The following SH3D21 variants were observed in gnomAD, a reference collection of about 807,000 sequenced individuals.
The protein encoded by SH3D21 is manchette microtubule inner protein 1, also known as SH3 domain-containing protein 21.
In SH3D21, 83 loss-of-function variants were observed where a neutral mutation model predicts 82.1. The ratio of observed to expected loss-of-function variants is 1.01; its 90% CI spans 0.85 to 1.21. The LOEUF (loss-of-function observed/expected upper bound fraction) is 1.21, where lower values mean the gene tolerates loss of function less well. Ranked by LOEUF, SH3D21 falls within the 50% of genes most tolerant of loss-of-function variation. The probability of loss-of-function intolerance (pLI) is 0.00; values close to 1 mark genes in which losing one functional copy is unlikely to be tolerated. For missense variants in SH3D21, 980 were observed against 962.1 expected, an observed-to-expected ratio of 1.02 and a Z score of -0.25; for synonymous variants, 383 against 387.8, an observed-to-expected ratio of 0.99 and a Z score of 0.15.
At chr1:36,312,214 C>T (rs963658975) in intron 10 of SH3D21, among the ~76,000 whole-genome samples, 11 of 151,266 alleles carry the variant, frequency 7.3e-5, no homozygotes, top group African/African-American at 2.7e-4. Flanking sequence ...TTAGTAGAGA[C>T]GGGTTTCACC....
Position 36,307,926 on chromosome 1 carries a change from C to T in SH3D21, c.501C>T (p.Ser167=). 1 of 1,551,728 alleles carries T rather than the reference C, an allele frequency of 6.4e-7. No individual in the cohort carries two copies. Among genetic ancestry groups the T allele is most frequent in the Non-Finnish European group, 8.7e-7 (1 of 1,146,998 alleles). The change falls in exon 7 of 16, where the codon AGC becomes AGT. Residue 167 remains serine (S), a synonymous_variant. Coordinates refer to ENST00000453908, the MANE Select transcript of SH3D21 (RefSeq NM_001162530.2). This position sits in a 1 kb window ranked among gnomAD's most constrained non-coding sequence, Gnocchi z 5.4. ...GCCCCTTCCCCCACTAGCTGAGCAG[C>T]CTGGCCTATGACAGCCCTCCAGACT... ...PGPQRPPKLS[S]LAYDSPPDYL...
intron 10 of SH3D21, among the ~76,000 whole-genome samples, chr1:36,315,330 T>C (rs1441350341): frequency 6.6e-6 from 1 of 151,958 alleles, no homozygotes; most frequent in Non-Finnish European, 1.5e-5. Context: ...TTCCAGAGCA[T>C]TGAAATGGTT....
At chr1:36,322,226 T>A, downstream of SH3D21, 1 of 1,409,818 alleles carries the variant, frequency 7.1e-7, no homozygotes, top group Non-Finnish European at 9.2e-7. Context: ...AGTCCGAAGG[T>A]GTGGGGTAGC....
intron 8 of SH3D21, 28 bp downstream of exon 8, chr1:36,308,237 C>T (rs906772086): frequency 9.3e-6 from 14 of 1,505,044 alleles, no homozygotes; most frequent in Non-Finnish European, 1.2e-5. Flanking sequence ...TGGGGGGGCC[C>T]AGGGAAGCCG....
At chr1:36,324,726 G>T (rs1282318516), downstream of SH3D21, 1 of 152,232 alleles carries the variant, frequency 6.6e-6, no homozygotes, top group African/African-American at 2.4e-5. Context: ...ATGGAAAAGG[G>T]ACTCCTGGGT....
chr1:36,322,422 C>A (rs200217271), downstream of SH3D21: 3 of 1,602,492 alleles, frequency 1.9e-6, no homozygotes, highest in Middle Eastern at 1.8e-4. Flanking sequence ...CTCCTCCAGC[C>A]GCTGCGCCCG....
chr1:36,315,569 G>A (rs1461447266), intron 10 of SH3D21, among the ~76,000 whole-genome samples: 8 of 151,960 alleles, frequency 5.3e-5, no homozygotes, highest in African/African-American at 1.5e-4. Flanking sequence ...GGCTGGTCTC[G>A]AACTCCTGAC....
At chr1:36,329,262 C>G (rs1412835852), downstream of SH3D21, 1 of 152,192 alleles carries the variant, frequency 6.6e-6, no homozygotes, top group African/African-American at 2.4e-5. Context: ...GGTCACAGCT[C>G]TGTGTACAGA....
chr1:36,321,297 G>C lies in SH3D21; in HGVS notation c.*170G>C. 6.9e-7 allele frequency: 1 copy of C among 1,441,712 alleles called. No homozygotes were observed. 89.3% of individuals were successfully genotyped at this position (1,441,712 alleles called of 1,614,324 possible). ...GCAGGGCCTGGGCCTCCGCATTCCT[G>C]ACGGTCCCTCCCAGGCACATCTGGC... On this transcript the variant is annotated 3_prime_UTR_variant, in exon 16 of 16. Coordinates refer to ENST00000453908, the MANE Select transcript of SH3D21 (RefSeq NM_001162530.2). This position sits in a 1 kb window ranked among gnomAD's most constrained non-coding sequence, Gnocchi z 6.1.
chr1:36,319,238 G>T, intron 11 of SH3D21, 22 bp from the exon 12 acceptor site: 1 of 1,551,674 alleles, frequency 6.4e-7, no homozygotes, highest in Non-Finnish European at 8.7e-7. Flanking sequence ...CACCCTGAGG[G>T]CCTGATGAAG....
chr1:36,309,666 C>T, intron 10 of SH3D21, 76 bp downstream of exon 10: 3 of 1,504,064 alleles, frequency 2.0e-6, no homozygotes, highest in Non-Finnish European at 2.7e-6. Context: ...TAAACACCCA[C>T]AGCACCCCAG....
At chr1:36,317,844 G>A (rs1247026853) in intron 10 of SH3D21, among the ~76,000 whole-genome samples, 1 of 152,226 alleles carries the variant, frequency 6.6e-6, no homozygotes, top group Non-Finnish European at 1.5e-5. Context: ...GATTACAGGT[G>A]TGGGCCACCG....
At position 36,320,905 on chromosome 1, in the gene SH3D21, CGGCCCG is replaced by C; in HGVS notation, c.2136-9_2136-4del. 2 of 1,559,684 alleles carry C rather than the reference CGGCCCG, an allele frequency of 1.3e-6. No individual in the cohort carries two copies. Among genetic ancestry groups the C allele is most frequent in the Non-Finnish European group, 1.7e-6 (2 of 1,151,826 alleles). On this transcript the variant is annotated splice_region_variant and splice_polypyrimidine_tract_variant and intron_variant, in intron 14 of 15. Transcript: ENST00000453908. ...CCTGCCCAGCCCCTCACCTCCGCCT[CGGCCCG>C]CAGGAGGAAGCTGACCGACATCTGG... is the stretch of plus-strand genomic sequence containing the variant.
rs1170961924 is a variant in SH3D21 at position 36,319,492 on chromosome 1, C to T, written c.967C>T (p.Arg323Ter). Residue 323 changes from arginine (R) to a stop codon, truncating the protein, a stop_gained, in exon 13 of 16, where the codon CGA (arginine) becomes TGA (stop). Coordinates refer to ENST00000453908, the MANE Select transcript of SH3D21 (RefSeq NM_001162530.2). LOFTEE classifies it high-confidence loss of function. ...GGGTTCGTATCACCCTGGCCGAAAGCGATCCAAAACCCAGACTCCCCAGCA... is the reference window on the plus strand; with the variant it reads ...GGGTTCGTATCACCCTGGCCGAAAGTGATCCAAAACCCAGACTCCCCAGCA... ...SGGSYHPGRK[R>*]SKTQTPQQRS... The T allele has an allele frequency of 1.9e-6, 3 of 1,551,474 alleles. No individual in the cohort carries two copies. Among genetic ancestry groups the T allele is most frequent in the Non-Finnish European group, 2.6e-6 (3 of 1,146,960 alleles).
Position 36,308,190 on chromosome 1 carries a change from T to C in SH3D21, c.620T>C (p.Val207Ala). Residue 207 changes from valine (V) to alanine (A), a missense_variant, in exon 8 of 16, where the codon GTG becomes GCG. Transcript: ENST00000453908. ...GAGTTGGCGCTGCGGAGGGGGGACGTGGTAAAAGTACTCAGCAAGGTGTGA... is the reference window on the plus strand; with the variant it reads ...GAGTTGGCGCTGCGGAGGGGGGACGCGGTAAAAGTACTCAGCAAGGTGTGA... ...PDELALRRGD[V>A]VKVLSKTTED... The C allele has an allele frequency of 1.9e-6, 3 of 1,542,792 alleles. No homozygotes were observed. The South Asian group carries it at 3.6e-5, about 19-fold the overall frequency.
chr1:36,307,102 C>G lies in SH3D21; in HGVS notation c.227-65C>G, dbSNP rs375422209. The G allele has an allele frequency of 1.3e-6, 2 of 1,542,502 alleles. No homozygotes were observed. The highest frequency in any genetic ancestry group is 1.8e-6 in the Non-Finnish European group (2 of 1,141,810). On this transcript the variant is annotated intron_variant, in intron 3 of 15. Coordinates refer to ENST00000453908, the MANE Select transcript of SH3D21 (RefSeq NM_001162530.2). The surrounding 1 kb of genome is among the most constrained non-coding windows in gnomAD (Gnocchi z 5.4). ...GACCAAAGGCTACGTGCGCGCCTTGCGCTTCCCCCAGCTCCTCTGACTGGG... is the reference window on the plus strand; with the variant it reads ...GACCAAAGGCTACGTGCGCGCCTTGGGCTTCCCCCAGCTCCTCTGACTGGG...
intron 10 of SH3D21, among the ~76,000 whole-genome samples, chr1:36,311,184 C>T (rs1030728904): frequency 6.6e-6 from 1 of 152,088 alleles, no homozygotes; most frequent in Non-Finnish European, 1.5e-5. Flanking sequence ...GCTAGGATTA[C>T]AAGCGTGAGC....
At chr1:36,323,182 C>A, downstream of SH3D21, 1 of 844,676 alleles carries the variant, frequency 1.2e-6, no homozygotes, top group Non-Finnish European at 1.8e-6. Context: ...GGAGAGAGCG[C>A]TTCCCTAACT....
downstream of SH3D21, chr1:36,323,881 T>C (rs894880806): frequency 6.6e-6 from 1 of 152,254 alleles, no homozygotes; most frequent in African/African-American, 2.4e-5. Flanking sequence ...TTGGACAGGT[T>C]CTTTCACTTA....
Sources: gnomAD v4.1 joint callset for allele counts (sites outside exome capture counted in the v4.1 genomes callset) on GRCh38, gnomAD v4.1.1 for gene constraint, Gnocchi (gnomAD v3.1) non-coding constraint, MANE v1.5 for transcripts, NCBI Gene and HGNC (gene_info 2026-07-23, HGNC 2026-07-21) for gene names.